Variants in MYO6 observed in about 807,000 individuals in gnomAD.
The protein encoded by MYO6 is unconventional myosin-VI.
MYO6 carries 74 observed loss-of-function variants against 178.7 expected under a neutral mutation model. The observed-to-expected ratio is 0.41, with a 90% CI of 0.34 to 0.50. The LOEUF is 0.50. Ranked by LOEUF, MYO6 falls within the 20% of genes least tolerant of loss-of-function variation. The pLI is 0.09. For missense variants in MYO6, 1,330 were observed against 1,547.4 expected (o/e 0.86, Z 2.36); for synonymous variants, 477 against 504.6 (o/e 0.95, Z 0.73).
intron 1 of MYO6, among the ~76,000 whole-genome samples, chr6:75,758,081 A>G (rs1430153648): frequency 6.8e-6 from 1 of 146,082 alleles, no homozygotes; most frequent in Non-Finnish European, 1.5e-5. Context: ...AGGTTCAAGC[A>G]ATTCTCCTGC....
intron 20 of MYO6, among the ~76,000 whole-genome samples, chr6:75,877,248 C>T (rs1777634605): frequency 6.6e-6 from 1 of 151,672 alleles, no homozygotes; most frequent in South Asian, 2.1e-4. Flanking sequence ...GCTGGGATTA[C>T]AGGCATGAGC....
intron 1 of MYO6, among the ~76,000 whole-genome samples, chr6:75,759,090 G>A (rs1302526295): frequency 2.0e-5 from 3 of 151,858 alleles, no homozygotes; most frequent in Admixed American, 6.6e-5. Context: ...GGCTGGTCTC[G>A]AACTCCTGAC....
chr6:75,758,008 C>T (rs984912532), intron 1 of MYO6, among the ~76,000 whole-genome samples: 47 of 107,178 alleles, frequency 4.4e-4, no homozygotes, highest in African/African-American at 1.4e-3. Context: ...GATGGAGTCT[C>T]GTTCTGTTGC....
intron 30 of MYO6, among the ~76,000 whole-genome samples, chr6:75,902,886 C>T (rs1351347589): frequency 1.3e-5 from 2 of 151,878 alleles, no homozygotes; most frequent in African/African-American, 2.4e-5. Context: ...TCCCTCTACA[C>T]ACTGCGTTGA....
intron 29 of MYO6, among the ~76,000 whole-genome samples, chr6:75,897,511 A>G (rs1000462584): frequency 2.0e-5 from 3 of 152,178 alleles, no homozygotes; most frequent in African/African-American, 7.2e-5. Context: ...CTACTCCTTT[A>G]GTCAGGGTCC....
rs1776735559 is a variant in MYO6 at position 75,866,712 on chromosome 6, T to G, written c.1770+91T>G. 2.5e-6 allele frequency: 3 copies of G among 1,223,244 alleles called. No individual in the cohort carries two copies. In the South Asian group the frequency reaches 3.7e-5, roughly 15 times the overall value. The allele number at this position is 1,223,244 out of a possible 1,614,324, so 75.8% of individuals were successfully genotyped here. A position where few individuals can be genotyped will look rare whatever the true frequency, so the allele number is the denominator to read the frequency against. ...TTCTAGTCACGTGGTTATTAATTAT[T>G]TCACGTGGTTATTTAAATTAAGTAA... On this transcript the variant is annotated intron_variant, in intron 17 of 34. Coordinates refer to ENST00000369977, the MANE Select transcript of MYO6 (RefSeq NM_004999.4).
intron 29 of MYO6, among the ~76,000 whole-genome samples, chr6:75,897,463 C>T (rs1045646570): frequency 1.5e-4 from 23 of 152,162 alleles, no homozygotes; most frequent in African/African-American, 4.8e-4. Context: ...TAATTGTAGA[C>T]AGTGTTCATT....
chr6:75,779,631 G>A (rs1186147028), intron 1 of MYO6, among the ~76,000 whole-genome samples: 1 of 151,894 alleles, frequency 6.6e-6, no homozygotes, highest in African/African-American at 2.4e-5. Context: ...TTCACTTTAG[G>A]AACTATATAT....
At chr6:75,812,514 A>C (rs1037924909) in intron 1 of MYO6, among the ~76,000 whole-genome samples, 2 of 152,186 alleles carry the variant, frequency 1.3e-5, no homozygotes, top group Non-Finnish European at 2.9e-5. Flanking sequence ...TATTGACTGT[A>C]GTCACCCTCT....
At chr6:75,840,224 C>T (rs553759974) in intron 7 of MYO6, among the ~76,000 whole-genome samples, 5 of 145,806 alleles carry the variant, frequency 3.4e-5, no homozygotes, top group African/African-American at 5.1e-5. Context: ...TGTAATGGTG[C>T]GACCTCGGCT....
intron 27 of MYO6, among the ~76,000 whole-genome samples, 183 bp from the exon 28 acceptor site, chr6:75,892,347 T>C (rs1448928678): frequency 6.6e-6 from 1 of 152,204 alleles, no homozygotes; most frequent in Non-Finnish European, 1.5e-5. Context: ...AATGGGGATG[T>C]GTTTGAAGCA....
intron 1 of MYO6, among the ~76,000 whole-genome samples, chr6:75,772,585 C>T (rs1766002080): frequency 6.6e-6 from 1 of 152,124 alleles, no homozygotes. Flanking sequence ...CCAGATACTA[C>T]AAGGGTTGAG....
chr6:75,841,747 ATACT>A (rs1774249698), intron 9 of MYO6, among the ~76,000 whole-genome samples: 1 of 152,166 alleles, frequency 6.6e-6, no homozygotes, highest in African/African-American at 2.4e-5. Context: ...ATCAAGCCTA[ATACT>A]TATTTTAGTG....
chr6:75,873,375 A>G (rs912598227), intron 20 of MYO6, 75 bp downstream of exon 20: 4 of 1,098,086 alleles, frequency 3.6e-6, no homozygotes, highest in Middle Eastern at 2.0e-4. Flanking sequence ...AGTATTTTCA[A>G]ATAATTCACC....
At chr6:75,751,995 CTT>C (rs1239585313) in intron 1 of MYO6, among the ~76,000 whole-genome samples, 9 of 142,486 alleles carry the variant, frequency 6.3e-5, no homozygotes, top group Admixed American at 7.1e-5. Flanking sequence ...TTTATTTATT[CTT>C]TTTTTTTTTT....
At chr6:75,848,603 T>G in intron 11 of MYO6, 72 bp downstream of exon 11, 1 of 1,495,768 alleles carries the variant, frequency 6.7e-7, no homozygotes, top group Non-Finnish European at 9.2e-7. Context: ...ATATGAAAAT[T>G]GTCTCTTTAT....
chr6:75,783,661 A>G (rs1484709589), intron 1 of MYO6, among the ~76,000 whole-genome samples: 1 of 151,908 alleles, frequency 6.6e-6, no homozygotes, highest in East Asian at 1.9e-4. Context: ...GGTCAATAAC[A>G]TTGATTATTT....
At chr6:75,822,873 A>T (rs1772041450) in intron 3 of MYO6, 22 bp downstream of exon 3, 1 of 1,562,898 alleles carries the variant, frequency 6.4e-7, no homozygotes, top group African/African-American at 1.4e-5. Context: ...GTTAAAAATT[A>T]ACTCTCCGCA....
rs1781124502 is a variant in MYO6 at position 75,916,464 on chromosome 6, G to T, written c.*1452G>T. The T allele has an allele frequency of 6.6e-6, 1 of 152,596 alleles. No individual in the cohort carries two copies. Among genetic ancestry groups the T allele is most frequent in the South Asian group, 2.1e-4 (1 of 4,834 alleles). The allele number at this position is 152,596 out of a possible 1,614,324, so 9.5% of individuals were successfully genotyped here. ...AATGATTGTCAAGTTAAATTAAATG[G>T]TTGTGTCTGTGCTATTGAGAATGCA... On this transcript the variant is annotated 3_prime_UTR_variant, in exon 35 of 35. Coordinates refer to ENST00000369977, the MANE Select transcript of MYO6 (RefSeq NM_004999.4).
Sources: allele counts gnomAD v4.1 joint callset (sites outside exome capture counted in the v4.1 genomes callset), GRCh38; gene constraint gnomAD v4.1.1; transcripts MANE v1.5; gene names NCBI Gene and HGNC (gene_info 2026-07-23, HGNC 2026-07-21).